CTNNA3: variants seen among roughly 807,000 people sequenced by gnomAD.
CTNNA3 encodes catenin alpha-3.
A neutral mutation model predicts 95.7 loss-of-function variants in CTNNA3; 76 were observed. The ratio of observed to expected loss-of-function variants is 0.79; its 90% confidence interval spans 0.66 to 0.96. The LOEUF (loss-of-function observed/expected upper bound fraction) is 0.96. CTNNA3 is among the 40% of genes least tolerant of loss of function. The probability of loss-of-function intolerance (pLI) is 0.00; values close to 1 mark genes in which losing one functional copy is unlikely to be tolerated. For synonymous variants in CTNNA3, 431 were observed against 374.4 expected (o/e 1.15, Z -1.74); for missense variants, 1,191 against 1,089.8 (o/e 1.09, Z -1.31).
intron 17 of CTNNA3, among the ~76,000 whole-genome samples, chr10:65,965,373 T>TATTTG (rs1432409589): frequency 6.6e-6 from 1 of 150,746 alleles, no homozygotes; most frequent in Non-Finnish European, 1.5e-5. Flanking sequence ...AGACAGTCAC[T>TATTTG]ATTTGTTTCC....
intron 12 of CTNNA3, among the ~76,000 whole-genome samples, chr10:66,361,519 T>C (rs1191695384): frequency 6.6e-6 from 1 of 150,860 alleles, no homozygotes; most frequent in Non-Finnish European, 1.5e-5. Flanking sequence ...TCCCTCTCTC[T>C]GCATCTTTCT....
chr10:66,676,537 T>C (rs1302451462), intron 9 of CTNNA3, among the ~76,000 whole-genome samples: 2 of 152,046 alleles, frequency 1.3e-5, no homozygotes, highest in Non-Finnish European at 2.9e-5. Flanking sequence ...TGACTGCAGA[T>C]TTTCTCCTAC....
upstream of CTNNA3, among the ~76,000 whole-genome samples, chr10:67,696,508 C>T (rs1365607494): frequency 1.3e-5 from 2 of 152,188 alleles, no homozygotes; most frequent in African/African-American, 4.8e-5. Flanking sequence ...CTTCAGAACC[C>T]TAGAGATGAT....
At chr10:67,037,632 T>G (rs1482642156) in intron 7 of CTNNA3, among the ~76,000 whole-genome samples, 1 of 152,082 alleles carries the variant, frequency 6.6e-6, no homozygotes, top group Non-Finnish European at 1.5e-5. Context: ...AAACCTGAAC[T>G]AAGACACTAA....
intron 14 of CTNNA3, among the ~76,000 whole-genome samples, chr10:66,100,570 A>G (rs1053561155): frequency 4.6e-5 from 7 of 152,112 alleles, no homozygotes; most frequent in Non-Finnish European, 1.0e-4. Flanking sequence ...TTGTCTGAGA[A>G]CTGTACGCAG....
chr10:67,750,413 G>A lies in CTNNA3; in HGVS notation c.-2+13021C>T. Reference sequence around the variant, plus strand: ...CATTGATGCAGGATATCGCCACATTGACTGTGCCTATGTCTATCAGAATGA... The same window carrying A: ...CATTGATGCAGGATATCGCCACATTAACTGTGCCTATGTCTATCAGAATGA... On this transcript the variant is annotated intron_variant, in intron 1 of 17. Coordinates refer to the CTNNA3 transcript ENST00000684154. 2.0e-6 allele frequency: 3 copies of A among 1,485,800 alleles called. No homozygotes were observed. In the South Asian group the frequency reaches 3.4e-5, roughly 17 times the overall value. The allele number at this position is 1,485,800 out of a possible 1,614,324, so 92.0% of individuals were successfully genotyped here.
intron 15 of CTNNA3, among the ~76,000 whole-genome samples, chr10:65,994,348 T>C (rs1407546344): frequency 6.6e-6 from 1 of 152,140 alleles, no homozygotes; most frequent in African/African-American, 2.4e-5. Context: ...TTCCTCAGTT[T>C]TTGCTTATCT....
chr10:67,143,177 CT>C (rs1489539297), intron 7 of CTNNA3, among the ~76,000 whole-genome samples: 2 of 151,928 alleles, frequency 1.3e-5, no homozygotes, highest in East Asian at 3.9e-4. Context: ...TGGCTCATGC[CT>C]GTAATCCCAG....
chr10:65,919,793 C>CTAGA lies in CTNNA3; in HGVS notation c.*533_*536dup, dbSNP rs2077054678. On this transcript the variant is annotated 3_prime_UTR_variant, in exon 18 of 18. Transcript: ENST00000433211. ...ATAAGTTGACAATGAGTACAGCTAT[C>CTAGA]TAGAGATTAAAAGGTGGTTTTTTTG... 1 of 153,918 alleles carries CTAGA rather than the reference C, an allele frequency of 6.5e-6. No individual in the cohort carries two copies. The highest frequency in any genetic ancestry group is 1.4e-5 in the Non-Finnish European group (1 of 69,276). 9.5% of individuals were successfully genotyped at this position (153,918 alleles called of 1,614,324 possible). A position where few individuals can be genotyped will look rare whatever the true frequency, so the allele number is the denominator to read the frequency against.
intron 5 of CTNNA3, among the ~76,000 whole-genome samples, chr10:67,395,052 C>A (rs545941095): frequency 2.0e-5 from 3 of 152,192 alleles, no homozygotes; most frequent in South Asian, 4.1e-4. Flanking sequence ...TTAAATAATT[C>A]TTAAGTACAC....
chr10:66,266,097 AAG>A (rs767835024), intron 13 of CTNNA3, among the ~76,000 whole-genome samples: 1 of 148,730 alleles, frequency 6.7e-6, no homozygotes, highest in African/African-American at 2.5e-5. Context: ...GGGGGAGAGA[AAG>A]AGAGGGAGGA....
At position 67,169,483 on chromosome 10, in the gene CTNNA3, C is replaced by T. The variant is rs145228875; in HGVS notation, c.1047+10834G>A. Among the ~76,000 whole-genome samples the T allele has an allele frequency of 1.9e-3, 296 of 152,206 alleles. 3 individuals carry two copies. Among genetic ancestry groups the T allele is most frequent in the African/African-American group, 6.6e-3 (275 of 41,534 alleles). ...GCCCAGAAATAAGGCCACACATCTG[C>T]GACCATCTGATCTTTTGACAAAGCT... On this transcript the variant is annotated intron_variant, in intron 7 of 17. Coordinates refer to ENST00000433211, the MANE Select transcript of CTNNA3 (RefSeq NM_013266.4).
chr10:66,046,794 T>C (rs1047552672), intron 15 of CTNNA3, among the ~76,000 whole-genome samples: 2 of 152,030 alleles, frequency 1.3e-5, no homozygotes, highest in Non-Finnish European at 2.9e-5. Flanking sequence ...AATGTTATTA[T>C]TGGCCCCACA....
At chr10:66,614,735 T>A (rs1202088745) in intron 10 of CTNNA3, among the ~76,000 whole-genome samples, 8 of 152,008 alleles carry the variant, frequency 5.3e-5, no homozygotes, top group African/African-American at 1.9e-4. Flanking sequence ...CAGATAGATA[T>A]AACAAAGCAA....
At chr10:67,365,723 A>G (rs1034459780) in intron 5 of CTNNA3, among the ~76,000 whole-genome samples, 1 of 152,230 alleles carries the variant, frequency 6.6e-6, no homozygotes, top group Non-Finnish European at 1.5e-5. Context: ...AAGTCAGGAA[A>G]CAACAGATGC....
intron 10 of CTNNA3, among the ~76,000 whole-genome samples, chr10:66,619,615 T>C (rs1233808180): frequency 1.4e-5 from 2 of 144,056 alleles, no homozygotes. Context: ...TAATGCTAAA[T>C]GACGAGTTAA....
At chr10:66,276,632 T>A (rs974259445) in intron 13 of CTNNA3, among the ~76,000 whole-genome samples, 6 of 152,142 alleles carry the variant, frequency 3.9e-5, no homozygotes, top group Non-Finnish European at 8.8e-5. Flanking sequence ...TATCCTCTTA[T>A]TTAAACATTG....
intron 2 of CTNNA3, among the ~76,000 whole-genome samples, chr10:67,642,907 G>A (rs1424030218): frequency 6.6e-6 from 1 of 151,620 alleles, no homozygotes; most frequent in East Asian, 1.9e-4. Context: ...GTGGAAGACA[G>A]CGTGGCGATT....
chr10:67,529,308 C>A (rs1011294767), intron 4 of CTNNA3, among the ~76,000 whole-genome samples: 8 of 151,806 alleles, frequency 5.3e-5, no homozygotes, highest in Non-Finnish European at 4.4e-5. Context: ...TCAGAATGTT[C>A]CTAACACAAA....
Sources: gnomAD v4.1 joint callset for allele counts (sites outside exome capture counted in the v4.1 genomes callset) on GRCh38, gnomAD v4.1.1 for gene constraint, MANE v1.5 for transcripts, NCBI Gene and HGNC (gene_info 2026-07-23, HGNC 2026-07-21) for gene names.